The following GEMIN7 variants were observed in gnomAD, a reference collection of about 807,000 sequenced individuals.
GEMIN7 encodes gem-associated protein 7.
In GEMIN7, 7 loss-of-function variants were observed where a neutral mutation model predicts 7.8. The observed-to-expected ratio is 0.90, with a 90% confidence interval of 0.51 to 1.69. The LOEUF is 1.69. GEMIN7 is among the 40% of genes most tolerant of loss of function. The pLI is 0.00. For synonymous variants in GEMIN7, 68 were observed against 72.4 expected (o/e 0.94, Z 0.31); for missense variants, 159 against 176.2 (o/e 0.90, Z 0.55).
intron 2 of GEMIN7, among the ~76,000 whole-genome samples, chr19:45,083,815 T>C (rs1452129008): frequency 2.6e-5 from 4 of 151,606 alleles, no homozygotes; most frequent in Non-Finnish European, 5.9e-5. Flanking sequence ...CCCAAGCTGG[T>C]CTCAAATTCC....
upstream of GEMIN7, among the ~76,000 whole-genome samples, chr19:45,078,097 C>CTTTTTTTTTTTTTTTTTTTTTTTTT (rs57149861): frequency 1.0e-5 from 1 of 96,656 alleles, no homozygotes; most frequent in Non-Finnish European, 1.9e-5. Flanking sequence ...TTATTTTACT[C>CTTTTTTTTTTTTTTTTTTTTTTTTT]TTTTTTTTTT....
chr19:45,084,891 G>A (rs1708068689), intron 2 of GEMIN7, among the ~76,000 whole-genome samples: 1 of 152,246 alleles, frequency 6.6e-6, no homozygotes, highest in Non-Finnish European at 1.5e-5. Flanking sequence ...AAGTAGCTGG[G>A]ATTACAGGCA....
At chr19:45,081,042 C>T (rs914311331) in intron 2 of GEMIN7, among the ~76,000 whole-genome samples, 1 of 152,170 alleles carries the variant, frequency 6.6e-6, no homozygotes, top group Admixed American at 6.5e-5. Flanking sequence ...TGGCGTGGGC[C>T]TGTAATCCCA....
At chr19:45,077,222 C>T (rs1348464065), upstream of GEMIN7, among the ~76,000 whole-genome samples, 1 of 152,150 alleles carries the variant, frequency 6.6e-6, no homozygotes, top group Non-Finnish European at 1.5e-5. Flanking sequence ...ATCTTTTGAT[C>T]GCTTTAAGGT....
At chr19:45,078,097 C>CTTTTTTT, upstream of GEMIN7, among the ~76,000 whole-genome samples, 1 of 96,654 alleles carries the variant, frequency 1.0e-5, no homozygotes, top group Admixed American at 1.3e-4. Flanking sequence ...TTATTTTACT[C>CTTTTTTT]TTTTTTTTTT....
At chr19:45,075,926 G>A, upstream of GEMIN7, 2 of 1,601,988 alleles carry the variant, frequency 1.2e-6, no homozygotes, top group East Asian at 4.5e-5. Context: ...GGGTGCTGAA[G>A]GAGAGGGGAA....
chr19:45,076,665 A>T (rs1427514183), upstream of GEMIN7: 1 of 285,520 alleles, frequency 3.5e-6, no homozygotes, highest in African/African-American at 2.2e-5. This position sits in a 1 kb window ranked among gnomAD's most constrained non-coding sequence, Gnocchi z 4.9. Context: ...CCCACAAGGC[A>T]TTGAAACAGC....
rs1967849969 is a variant in GEMIN7, at chr19:45,090,267, G to T, written c.153G>T (p.Leu51=). 6.2e-7 allele frequency: 1 copy of T among 1,614,082 alleles called. No homozygotes were observed. ...AGTGTCCCATAGCTCAAGAATCCCT[G>T]GAATCCCAGGAGCAGCGGGCACGAG... ...IQECPIAQES[L]ESQEQRARAA... Residue 51 remains leucine (L), a synonymous_variant, in exon 3 of 3, where the codon CTG becomes CTT. Transcript: ENST00000270257.
At chr19:45,084,259 T>C (rs1032108927) in intron 2 of GEMIN7, among the ~76,000 whole-genome samples, 1 of 140,044 alleles carries the variant, frequency 7.1e-6, no homozygotes, top group African/African-American at 2.7e-5. Context: ...TGGCTGGGCA[T>C]GGTGGCTTAG....
upstream of GEMIN7, chr19:45,076,123 G>A (rs897909941): frequency 5.1e-6 from 8 of 1,564,694 alleles, no homozygotes; most frequent in African/African-American, 2.8e-5. The surrounding 1 kb of genome is among the most constrained non-coding windows in gnomAD (Gnocchi z 4.9). Context: ...CGGGTTCCGC[G>A]GGCCGAGGGC....
chr19:45,082,713 G>A (rs1330944207), intron 2 of GEMIN7, among the ~76,000 whole-genome samples: 1 of 151,880 alleles, frequency 6.6e-6, no homozygotes, highest in Non-Finnish European at 1.5e-5. Context: ...CCACCTACCA[G>A]GCTCAAGCGA....
At chr19:45,087,942 A>ATTT (rs535770065) in intron 2 of GEMIN7, among the ~76,000 whole-genome samples, 5 of 116,438 alleles carry the variant, frequency 4.3e-5, no homozygotes, top group Non-Finnish European at 8.6e-5. Flanking sequence ...TAGATATATA[A>ATTT]TTTTTTTTTT....
rs189492300 is a variant in GEMIN7, at chr19:45,080,361, C to T, written c.-9+332C>T. ...CCCTCTTCCTCCACCCTCCAGCTTG[C>T]ACCAAGGAAATGATTTTTTTTTTTT... is the stretch of plus-strand genomic sequence containing the variant. On this transcript the variant is annotated intron_variant, in intron 2 of 2. Transcript: ENST00000270257. 4.6e-5 allele frequency among the ~76,000 whole-genome samples: 7 copies of T among 150,822 alleles called. No homozygotes were observed. In the South Asian group the frequency reaches 8.4e-4, roughly 18 times the overall value.
chr19:45,081,006 A>T (rs1967486880), intron 2 of GEMIN7, among the ~76,000 whole-genome samples: 2 of 152,252 alleles, frequency 1.3e-5, no homozygotes, highest in South Asian at 4.1e-4. Flanking sequence ...TGGTCAGAGA[A>T]AATAAAAAAT....
chr19:45,082,622 T>C (rs1017677895), intron 2 of GEMIN7, among the ~76,000 whole-genome samples: 5 of 144,380 alleles, frequency 3.5e-5, no homozygotes, highest in Non-Finnish European at 7.6e-5. Flanking sequence ...GATGAGTGAA[T>C]TTTTTTTTTT....
At position 45,080,777 on chromosome 19, in the gene GEMIN7, T is replaced by TC. The variant is rs1364262975; in HGVS notation, c.-9+748_-9+749insC. 1.4e-4 allele frequency among the ~76,000 whole-genome samples: 21 copies of TC among 150,756 alleles called. No homozygotes were observed. The East Asian group carries it at 3.7e-3, about 26-fold the overall frequency. On this transcript the variant is annotated intron_variant, in intron 2 of 2. Coordinates refer to ENST00000270257, the MANE Select transcript of GEMIN7 (RefSeq NM_024707.3). ...TCCCTTGTTTTTTGTTTTTTTTTTT[T>TC]TTTTTCCTGATGGAGAAAACAAGGC...
chr19:45,087,395 C>T (rs528006312), intron 2 of GEMIN7, among the ~76,000 whole-genome samples: 16 of 152,290 alleles, frequency 1.1e-4, no homozygotes, highest in Non-Finnish European at 1.9e-4. Flanking sequence ...CCTCCAGCCT[C>T]AGCCCCTAAA....
Position 45,090,872 on chromosome 19 carries a change from C to T in GEMIN7, c.*362C>T. The T allele has an allele frequency of 5.0e-6, 1 of 199,494 alleles. No individual in the cohort carries two copies. Among genetic ancestry groups the T allele is most frequent in the African/African-American group, 2.3e-5 (1 of 42,618 alleles). 12.4% of individuals were successfully genotyped at this position (199,494 alleles called of 1,614,324 possible). On this transcript the variant is annotated 3_prime_UTR_variant, in exon 3 of 3. Transcript: ENST00000270257. Reference sequence around the variant, plus strand: ...GCAAAGTCCAGCCACCCTGAAGATACTCCCCAGTGCTCCCCTCCTGCTAAA... The same window carrying T: ...GCAAAGTCCAGCCACCCTGAAGATATTCCCCAGTGCTCCCCTCCTGCTAAA...
chr19:45,075,653 T>C (rs1356630052), upstream of GEMIN7: 3 of 1,592,778 alleles, frequency 1.9e-6, no homozygotes, highest in East Asian at 6.7e-5. Flanking sequence ...GCCCAGCCCC[T>C]TTCCAGCAGG....
Sources: allele counts gnomAD v4.1 joint callset (sites outside exome capture counted in the v4.1 genomes callset), GRCh38; gene constraint gnomAD v4.1.1; non-coding constraint Gnocchi (gnomAD v3.1); transcripts MANE v1.5; gene names NCBI Gene and HGNC (gene_info 2026-07-23, HGNC 2026-07-21).